The following SASH1 variants were observed in gnomAD, a reference collection of about 807,000 sequenced individuals.
SASH1 encodes the protein SAM and SH3 domain-containing protein 1.
A neutral mutation model predicts 125.2 loss-of-function variants in SASH1; 44 were observed. The observed-to-expected ratio is 0.35, with a 90% CI of 0.28 to 0.45. The LOEUF (loss-of-function observed/expected upper bound fraction) is 0.45, where lower values mean the gene tolerates loss of function less well. SASH1 is among the 20% of genes least tolerant of loss of function. The probability of loss-of-function intolerance (pLI) is 1.00; values close to 1 mark genes in which losing one functional copy is unlikely to be tolerated. For missense variants in SASH1, 1,426 were observed against 1,614.5 expected, an observed-to-expected ratio of 0.88 and a Z score of 2.00; for synonymous variants, 639 against 649.1, an observed-to-expected ratio of 0.98 and a Z score of 0.24.
chr6:148,489,970 C>A (rs561402599), intron 8 of SASH1, among the ~76,000 whole-genome samples: 7 of 136,344 alleles, frequency 5.1e-5, no homozygotes, highest in Non-Finnish European at 9.2e-5. Flanking sequence ...AAGGCCAAGG[C>A]TGCAGTAAGC....
chr6:148,508,797 A>G (rs1779948209), intron 8 of SASH1: 1 of 877,018 alleles, frequency 1.1e-6, no homozygotes, highest in African/African-American at 1.9e-5. Context: ...AAGAGTGAAG[A>G]CGCTCTCCGA....
intron 2 of SASH1, among the ~76,000 whole-genome samples, chr6:148,436,619 A>G (rs1009334769): frequency 6.6e-6 from 1 of 152,226 alleles, no homozygotes; most frequent in Non-Finnish European, 1.5e-5. Flanking sequence ...TGCTGTGAGG[A>G]AGCCTCAGCA....
chr6:148,387,640 CT>C (rs1445250660), intron 1 of SASH1, among the ~76,000 whole-genome samples: 7 of 40,324 alleles, frequency 1.7e-4, no homozygotes, highest in African/African-American at 5.5e-4. Flanking sequence ...TTCTTTCTTT[CT>C]TTCTTTCTTT....
chr6:148,234,260 T>C, the SASH1 span, among the ~76,000 whole-genome samples: 1 of 152,104 alleles, frequency 6.6e-6, no homozygotes, highest in Non-Finnish European at 1.5e-5. Flanking sequence ...CTATTTCTAT[T>C]GAAAAGTACA....
At chr6:148,329,850 T>C (rs540292998) in intron 1 of SASH1, among the ~76,000 whole-genome samples, 86 of 152,278 alleles carry the variant, frequency 5.6e-4, no homozygotes, top group African/African-American at 1.9e-3. Flanking sequence ...AGTTGAGTTT[T>C]CTTTCTTTTT....
At chr6:148,437,696 G>A (rs1313727684) in intron 2 of SASH1, among the ~76,000 whole-genome samples, 1 of 152,174 alleles carries the variant, frequency 6.6e-6, no homozygotes, top group East Asian at 1.9e-4. Flanking sequence ...TCCAGTGTGG[G>A]TAACATAGCA....
At chr6:148,236,057 G>A in the SASH1 span, among the ~76,000 whole-genome samples, 2 of 152,140 alleles carry the variant, frequency 1.3e-5, no homozygotes, top group Non-Finnish European at 2.9e-5. Flanking sequence ...GACTCTTGGA[G>A]ACTTCATAGC....
chr6:148,318,418 A>G (rs907407003), intron 1 of SASH1, among the ~76,000 whole-genome samples: 1 of 152,212 alleles, frequency 6.6e-6, no homozygotes, highest in African/African-American at 2.4e-5. Context: ...TGAATGCATC[A>G]ACAGCTTTCA....
At position 148,548,598 on chromosome 6, in the gene SASH1, TTCA is replaced by T; in HGVS notation, c.*41_*43del. The T allele has an allele frequency of 6.5e-7, 1 of 1,545,884 alleles. No homozygotes were observed. Among genetic ancestry groups the T allele is most frequent in the African/African-American group, 1.4e-5 (1 of 72,660 alleles). On this transcript the variant is annotated 3_prime_UTR_variant, in exon 20 of 20. Coordinates refer to ENST00000367467, the MANE Select transcript of SASH1 (RefSeq NM_015278.5). ...GGCCTCTCTGGACAAGAGCCACCCTTTCACTGTGCATATGATGCTGATGCAATT... is the reference window on the plus strand; with the variant it reads ...GGCCTCTCTGGACAAGAGCCACCCTTCTGTGCATATGATGCTGATGCAATT...
chr6:148,521,609 G>A (rs910435578), intron 10 of SASH1, among the ~76,000 whole-genome samples: 1 of 152,100 alleles, frequency 6.6e-6, no homozygotes, highest in Non-Finnish European at 1.5e-5. Flanking sequence ...TATGTAGCAG[G>A]AACTTTTCTT....
At chr6:148,278,524 A>G (rs1253683770) in intron 1 of SASH1, 2 of 152,070 alleles carry the variant, frequency 1.3e-5, no homozygotes, top group African/African-American at 2.4e-5. Context: ...ATTTTAATTT[A>G]ATTTACTTTT....
intron 1 of SASH1, among the ~76,000 whole-genome samples, chr6:148,312,106 A>C (rs1780346919): frequency 6.6e-6 from 1 of 152,210 alleles, no homozygotes; most frequent in African/African-American, 2.4e-5. Flanking sequence ...GTAAGGATAG[A>C]AATCAGATCA....
chr6:148,475,608 G>A (rs1042076104), intron 7 of SASH1, among the ~76,000 whole-genome samples: 1 of 152,170 alleles, frequency 6.6e-6, no homozygotes, highest in African/African-American at 2.4e-5. Context: ...ACCTTGGGGA[G>A]AAACAAACAT....
At chr6:148,217,988 C>A in the SASH1 span, among the ~76,000 whole-genome samples, 1 of 150,202 alleles carries the variant, frequency 6.7e-6, no homozygotes, top group African/African-American at 2.4e-5. Flanking sequence ...GCACTCCAGC[C>A]TGGGTGAAAG....
chr6:148,484,501 A>G (rs1410258693), intron 7 of SASH1, among the ~76,000 whole-genome samples: 2 of 152,188 alleles, frequency 1.3e-5, no homozygotes, highest in Non-Finnish European at 2.9e-5. Flanking sequence ...TGGAATATAA[A>G]AATGTAATTA....
chr6:148,485,993 T>A (rs577379376), intron 7 of SASH1, among the ~76,000 whole-genome samples: 6 of 152,344 alleles, frequency 3.9e-5, no homozygotes, highest in Non-Finnish European at 8.8e-5. Context: ...TGTGTAACAC[T>A]CTCTCACATA....
chr6:148,338,034 G>A (rs1333457878), upstream of SASH1, among the ~76,000 whole-genome samples: 3 of 112,646 alleles, frequency 2.7e-5, no homozygotes, highest in African/African-American at 8.3e-5. Flanking sequence ...TAGGATTCCG[G>A]TATACCCATC....
the SASH1 span, among the ~76,000 whole-genome samples, chr6:148,200,695 CT>C: frequency 6.6e-6 from 1 of 152,166 alleles, no homozygotes; most frequent in East Asian, 1.9e-4. Flanking sequence ...GGCATTTCTA[CT>C]TTTTGCATAG....
chr6:148,266,804 G>A, the SASH1 span, among the ~76,000 whole-genome samples: 1 of 150,358 alleles, frequency 6.7e-6, no homozygotes, highest in African/African-American at 2.5e-5. Context: ...TAGAGATGAT[G>A]TCTCACTATG....
Sources: gnomAD v4.1 joint callset for allele counts (sites outside exome capture counted in the v4.1 genomes callset) on GRCh38, gnomAD v4.1.1 for gene constraint, MANE v1.5 for transcripts, NCBI Gene and HGNC (gene_info 2026-07-23, HGNC 2026-07-21) for gene names.